The following CDH8 variants were observed in gnomAD, a reference collection of about 807,000 sequenced individuals.
The protein encoded by CDH8 is cadherin-8.
A neutral mutation model predicts 68.1 loss-of-function variants in CDH8; 17 were observed. The observed-to-expected ratio is 0.25, with a 90% confidence interval of 0.17 to 0.37. The LOEUF is 0.37. Ranked by LOEUF, CDH8 falls within the 10% of genes least tolerant of loss-of-function variation. The pLI is 1.00. For synonymous variants in CDH8, 372 were observed against 365.1 expected, an observed-to-expected ratio of 1.02 and a Z score of -0.21; for missense variants, 763 against 999.3, an observed-to-expected ratio of 0.76 and a Z score of 3.19.
intron 3 of CDH8, among the ~76,000 whole-genome samples, chr16:61,870,385 G>T (rs1174756276): frequency 6.6e-6 from 1 of 152,186 alleles, no homozygotes; most frequent in Non-Finnish European, 1.5e-5. Flanking sequence ...GAAGTGAGGA[G>T]CATTGGGAAA....
intron 3 of CDH8, among the ~76,000 whole-genome samples, chr16:61,857,574 AATAAT>A (rs1366648380): frequency 6.6e-6 from 1 of 152,204 alleles, no homozygotes; most frequent in Non-Finnish European, 1.5e-5. Context: ...ATATAAGGTT[AATAAT>A]ATAATATACC....
intron 2 of CDH8, among the ~76,000 whole-genome samples, chr16:61,964,490 A>C (rs959754254): frequency 2.6e-5 from 4 of 152,068 alleles, no homozygotes; most frequent in Non-Finnish European, 4.4e-5. Flanking sequence ...CCAGGCATAC[A>C]TGATGAGAAC....
intron 3 of CDH8, among the ~76,000 whole-genome samples, chr16:61,893,681 A>G (rs540414224): frequency 6.6e-6 from 1 of 152,300 alleles, no homozygotes; most frequent in African/African-American, 2.4e-5. Context: ...ATGCACTCAA[A>G]GAATGATGGA....
chr16:62,027,026 T>C (rs1902212942), intron 1 of CDH8, among the ~76,000 whole-genome samples: 2 of 152,200 alleles, frequency 1.3e-5, no homozygotes, highest in Non-Finnish European at 1.5e-5. Flanking sequence ...AAGAAATCAA[T>C]TTATTTTTAC....
chr16:61,966,786 G>T (rs1965259815), intron 2 of CDH8, among the ~76,000 whole-genome samples: 1 of 152,190 alleles, frequency 6.6e-6, no homozygotes, highest in African/African-American at 2.4e-5. Context: ...CTTAAGTAGA[G>T]AGAAGGCTAG....
chr16:61,716,711 T>A (rs1352196471), intron 9 of CDH8, among the ~76,000 whole-genome samples: 2 of 151,732 alleles, frequency 1.3e-5, no homozygotes, highest in Non-Finnish European at 2.9e-5. Context: ...TACATTTTCT[T>A]CCAAATATCC....
Position 61,647,801 on chromosome 16 carries a change from T to G in CDH8, c.*5807A>C. The G allele has an allele frequency of 1.4e-6, 1 of 699,780 alleles. No homozygotes were observed. Among genetic ancestry groups the G allele is most frequent in the Non-Finnish European group, 2.6e-6 (1 of 382,890 alleles). The allele number at this position is 699,780 out of a possible 1,614,324, so 43.3% of individuals were successfully genotyped here. On this transcript the variant is annotated 3_prime_UTR_variant, in exon 12 of 12. Coordinates refer to ENST00000577390, the MANE Select transcript of CDH8 (RefSeq NM_001796.5). ...CTCATTTCCTTTTCTGGTCCTGACC[T>G]CTGAGTTCATTGAAGCCATGGTTTT...
At chr16:61,985,311 T>A (rs1170745077) in intron 2 of CDH8, among the ~76,000 whole-genome samples, 1 of 152,208 alleles carries the variant, frequency 6.6e-6, no homozygotes. Flanking sequence ...AGAAAATTTA[T>A]ATTAATTAAA....
rs1211925362 is a variant in CDH8, at chr16:61,655,521, G to A, written c.1855C>T (p.Leu619Phe). 1 of 1,614,058 alleles carries A rather than the reference G, an allele frequency of 6.2e-7. No individual in the cohort carries two copies. The highest frequency in any genetic ancestry group is 8.5e-7 in the Non-Finnish European group (1 of 1,179,986). Residue 619 changes from leucine (L) to phenylalanine (F), a missense_variant, in exon 11 of 12, where the codon CTC (leucine) becomes TTC (phenylalanine). This residue lies in a region of CDH8 where 397 missense variants were observed against 436.2 expected (regional missense o/e 0.91). Coordinates refer to ENST00000577390, the MANE Select transcript of CDH8 (RefSeq NM_001796.5). Reference protein sequence around the residue: ...NVEAYVLPIGLSMGALIAILA... With the variant: ...NVEAYVLPIGFSMGALIAILA... ...ATGGCAATTAAGGCGCCCATACTGA[G>A]TCCAATTGGAAGGACATAAGCTTCG...
At chr16:61,701,554 A>C (rs1308401923) in intron 10 of CDH8, among the ~76,000 whole-genome samples, 2 of 152,218 alleles carry the variant, frequency 1.3e-5, no homozygotes, top group African/African-American at 4.8e-5. Context: ...TTAAAATAGG[A>C]TAATGTAGAA....
At chr16:61,921,985 T>C (rs80140374) in intron 2 of CDH8, among the ~76,000 whole-genome samples, 17,392 of 151,934 alleles carry the variant, frequency 0.11, 1,306 homozygotes, top group East Asian at 0.3. Flanking sequence ...GAGCAGAGAT[T>C]GCACCACTGC....
intron 10 of CDH8, among the ~76,000 whole-genome samples, chr16:61,659,113 C>T (rs1407760461): frequency 6.6e-6 from 1 of 152,132 alleles, no homozygotes; most frequent in African/African-American, 2.4e-5. Flanking sequence ...AAAAGCGAAT[C>T]TTATTAGAGA....
intron 4 of CDH8, 109 bp from the exon 5 acceptor site, chr16:61,825,288 T>C (rs1962304774): frequency 1.3e-6 from 1 of 762,308 alleles, no homozygotes. Flanking sequence ...AAGTCCCTAG[T>C]CAGATAATTT....
chr16:61,914,307 C>T (rs543754460), intron 2 of CDH8, among the ~76,000 whole-genome samples: 1 of 152,288 alleles, frequency 6.6e-6, no homozygotes, highest in Non-Finnish European at 1.5e-5. Flanking sequence ...CTAAAGCATA[C>T]TAATTATCAA....
rs995763788 is a variant in CDH8 at position 61,650,341 on chromosome 16, C to A, written c.*3267G>T. Reference sequence around the variant, plus strand: ...CAATCACCCAGGGATGCATCAGTTCCCTAGGTGGGAACCTTGAATTGTGAG... The same window carrying A: ...CAATCACCCAGGGATGCATCAGTTCACTAGGTGGGAACCTTGAATTGTGAG... On this transcript the variant is annotated 3_prime_UTR_variant, in exon 12 of 12. Transcript: ENST00000577390. 7.2e-5 allele frequency: 11 copies of A among 151,956 alleles called. No homozygotes were observed. The highest frequency in any genetic ancestry group is 1.0e-4 in the Non-Finnish European group (7 of 68,000). The allele number at this position is 151,956 out of a possible 1,614,324, so 9.4% of individuals were successfully genotyped here.
chr16:61,735,349 T>G (rs1250822215), intron 8 of CDH8, among the ~76,000 whole-genome samples: 1 of 152,088 alleles, frequency 6.6e-6, no homozygotes, highest in Non-Finnish European at 1.5e-5. Context: ...AATACCCTTT[T>G]GTCCTAGAAA....
In CDH8 at chr16:61,648,923, CA is replaced by C. The variant is rs1278104561; in HGVS notation, c.*4684del. ...CATAAATTTGTGTTGACTAAAACTACAATGACAATAAATGTATTTTTAAATG... is the reference window on the plus strand; with the variant it reads ...CATAAATTTGTGTTGACTAAAACTACATGACAATAAATGTATTTTTAAATG... On this transcript the variant is annotated 3_prime_UTR_variant, in exon 12 of 12. Transcript: ENST00000577390. The C allele has an allele frequency of 1.3e-5, 2 of 151,990 alleles. No individual in the cohort carries two copies. Among genetic ancestry groups the C allele is most frequent in the African/African-American group, 4.8e-5 (2 of 41,504 alleles). The allele number at this position is 151,990 out of a possible 1,614,324, so 9.4% of individuals were successfully genotyped here.
chr16:61,845,420 G>C (rs1253039417), intron 4 of CDH8, among the ~76,000 whole-genome samples: 1 of 148,338 alleles, frequency 6.7e-6, no homozygotes, highest in African/African-American at 2.5e-5. Context: ...GGAATGGAAG[G>C]AAAGTTCCAA....
chr16:61,653,022 A>G lies in CDH8; in HGVS notation c.*586T>C. ...GCTCGACACAATATTTAAAGATGCT[A>G]TTCAGTCTCTAGTGAGTGGGGCCAA... On this transcript the variant is annotated 3_prime_UTR_variant, in exon 12 of 12. Transcript: ENST00000577390. 7.0e-7 allele frequency: 1 copy of G among 1,433,962 alleles called. No homozygotes were observed. The allele number at this position is 1,433,962 out of a possible 1,614,324, so 88.8% of individuals were successfully genotyped here.
Sources: gnomAD v4.1 joint callset for allele counts (sites outside exome capture counted in the v4.1 genomes callset) on GRCh38, gnomAD v4.1.1 for gene constraint, gnomAD v4.1.1 regional missense constraint, MANE v1.5 for transcripts, NCBI Gene and HGNC (gene_info 2026-07-23, HGNC 2026-07-21) for gene names.